TG: variants seen among roughly 807,000 people sequenced by gnomAD.
TG encodes thyroglobulin.
Under a neutral mutation model 324.7 loss-of-function variants are expected in TG, and 270 were observed. That is an observed-to-expected ratio of 0.83 (90% CI 0.75 to 0.92). The LOEUF (loss-of-function observed/expected upper bound fraction) is 0.92. Ranked by LOEUF, TG falls within the 40% of genes least tolerant of loss-of-function variation. The pLI, the probability that TG is intolerant of heterozygous loss-of-function variation, is 0.00. For missense variants in TG, 3,591 were observed against 3,456.4 expected (o/e 1.04, Z -0.98); for synonymous variants, 1,401 against 1,327.0 (o/e 1.06, Z -1.21).
At chr8:132,995,262 GTCC>G (rs1238031765) in intron 35 of TG, 2 of 976,904 alleles carry the variant, frequency 2.0e-6, no homozygotes, top group African/African-American at 3.5e-5. Context: ...TTTGGGTAAA[GTCC>G]TATGTGTAAC....
chr8:133,057,863 G>A (rs1330337789), intron 41 of TG, among the ~76,000 whole-genome samples: 2 of 151,910 alleles, frequency 1.3e-5, no homozygotes, highest in Admixed American at 6.6e-5. Context: ...TCTCCCAAAA[G>A]CTCAGAAAAC....
At chr8:132,981,335 A>G (rs1830821217) in intron 34 of TG, among the ~76,000 whole-genome samples, 1 of 152,224 alleles carries the variant, frequency 6.6e-6, no homozygotes, top group Non-Finnish European at 1.5e-5. Flanking sequence ...TTTCCTTTGC[A>G]AACAGAGCTT....
intron 40 of TG, among the ~76,000 whole-genome samples, chr8:133,028,908 G>A (rs1277117158): frequency 1.3e-5 from 2 of 152,156 alleles, no homozygotes; most frequent in Non-Finnish European, 2.9e-5. Context: ...GTGCCTCATG[G>A]AGAAACGTGA....
At chr8:133,041,048 CTT>C (rs1356097882) in intron 41 of TG, among the ~76,000 whole-genome samples, 1 of 152,204 alleles carries the variant, frequency 6.6e-6, no homozygotes, top group African/African-American at 2.4e-5. Flanking sequence ...ATGAGAAAGA[CTT>C]GATTCTGCTG....
chr8:133,029,296 T>G (rs1166939543), intron 40 of TG, among the ~76,000 whole-genome samples: 4 of 151,564 alleles, frequency 2.6e-5, no homozygotes, highest in African/African-American at 9.7e-5. Context: ...AGGAAAGAGA[T>G]CAATTCAGTT....
intron 20 of TG, among the ~76,000 whole-genome samples, chr8:132,915,953 C>T (rs931501655): frequency 1.3e-5 from 2 of 152,252 alleles, no homozygotes; most frequent in Non-Finnish European, 2.9e-5. Flanking sequence ...TTTTCTTCAG[C>T]ATCAGTTCTA....
chr8:132,904,249 G>A (rs1818351891), intron 16 of TG, among the ~76,000 whole-genome samples: 1 of 152,240 alleles, frequency 6.6e-6, no homozygotes, highest in South Asian at 2.1e-4. Flanking sequence ...AAGACAGGCA[G>A]TGCTCACAAA....
At chr8:132,930,396 G>C (rs1454459681) in intron 23 of TG, among the ~76,000 whole-genome samples, 1 of 152,170 alleles carries the variant, frequency 6.6e-6, no homozygotes, top group African/African-American at 2.4e-5. Flanking sequence ...AGTTAGAAGG[G>C]CAGGCAGGGC....
chr8:133,038,256 A>G (rs1837444415), intron 41 of TG: 1 of 495,424 alleles, frequency 2.0e-6, no homozygotes, highest in Non-Finnish European at 3.7e-6. Flanking sequence ...ATGTGTGCAT[A>G]CATACATGCT....
chr8:132,938,175 CA>C (rs1384651635), intron 25 of TG, among the ~76,000 whole-genome samples: 1 of 152,224 alleles, frequency 6.6e-6, no homozygotes, highest in Non-Finnish European at 1.5e-5. Flanking sequence ...CACCCACACA[CA>C]TCTTCAGCTC....
Position 132,888,571 on chromosome 8 carries a change from G to A in TG, c.2761+3G>A. ...TGAGCCAAGCAAGCTCCCAACATGT[G>A]AGCTAACGCATATGAAGAGTTAAAT... On this transcript the variant is annotated splice_donor_region_variant and intron_variant, in intron 10 of 47. Coordinates refer to ENST00000220616, the MANE Select transcript of TG (RefSeq NM_003235.5). 2 of 1,609,646 alleles carry A rather than the reference G, an allele frequency of 1.2e-6. No individual in the cohort carries two copies. The highest frequency in any genetic ancestry group is 1.7e-6 in the Non-Finnish European group (2 of 1,178,734).
chr8:133,094,417 T>A (rs1848102719), intron 41 of TG, among the ~76,000 whole-genome samples: 1 of 151,832 alleles, frequency 6.6e-6, no homozygotes, highest in African/African-American at 2.4e-5. Flanking sequence ...GTTTTTTGTA[T>A]TTTTAGTAGA....
intron 8 of TG, among the ~76,000 whole-genome samples, chr8:132,885,129 T>G (rs1317377438): frequency 3.6e-5 from 5 of 137,890 alleles, no homozygotes; most frequent in African/African-American, 5.4e-5. Context: ...TTTTAAAAGT[T>G]GGGGGGGGGG....
intron 29 of TG, among the ~76,000 whole-genome samples, chr8:132,964,168 C>T (rs1333741029): frequency 6.6e-6 from 1 of 151,958 alleles, no homozygotes; most frequent in Non-Finnish European, 1.5e-5. Flanking sequence ...TGAGAAGGTT[C>T]TGTCAAATCC....
chr8:133,112,577 G>T (rs545520453), intron 43 of TG, among the ~76,000 whole-genome samples: 1 of 151,926 alleles, frequency 6.6e-6, no homozygotes, highest in South Asian at 2.1e-4. Flanking sequence ...GGAGAGAAGG[G>T]GAGGGGAAGA....
At chr8:133,010,026 C>T (rs1834365565) in intron 35 of TG, among the ~76,000 whole-genome samples, 1 of 152,208 alleles carries the variant, frequency 6.6e-6, no homozygotes, top group South Asian at 2.1e-4. Context: ...AAATTATAAA[C>T]TTCCCTGTAT....
At chr8:133,124,029 G>C (rs1851341840) in intron 45 of TG, among the ~76,000 whole-genome samples, 1 of 152,212 alleles carries the variant, frequency 6.6e-6, no homozygotes, top group South Asian at 2.1e-4. Context: ...AATCCAAATT[G>C]GAGATCAACA....
chr8:133,070,502 T>TCAGA (rs1801818705), intron 41 of TG, among the ~76,000 whole-genome samples: 2 of 152,334 alleles, frequency 1.3e-5, no homozygotes, highest in South Asian at 4.1e-4. Flanking sequence ...ACAAGAAAAC[T>TCAGA]GAGTCTCAGA....
chr8:132,898,277 A>G lies in TG; in HGVS notation c.3217+31A>G, dbSNP rs773504253. On this transcript the variant is annotated intron_variant, in intron 13 of 47. Transcript: ENST00000220616. ...TGAAGACTGCAGAGTTCTCCTCCTG[A>G]CCCCCCTTGGTGGGCATCACTGGTC... 1.1e-5 allele frequency: 17 copies of G among 1,559,910 alleles called. No homozygotes were observed. The South Asian group carries it at 2.0e-4, about 18-fold the overall frequency.
Sources: allele counts gnomAD v4.1 joint callset (sites outside exome capture counted in the v4.1 genomes callset), GRCh38; gene constraint gnomAD v4.1.1; transcripts MANE v1.5; gene names NCBI Gene and HGNC (gene_info 2026-07-23, HGNC 2026-07-21).